Variants in EPHA4 observed in about 807,000 individuals in gnomAD.
The protein encoded by EPHA4 is ephrin type-A receptor 4.
Under a neutral mutation model 108.3 loss-of-function variants are expected in EPHA4, and 19 were observed. That is an observed-to-expected ratio of 0.18 (90% CI 0.12 to 0.26). The LOEUF (loss-of-function observed/expected upper bound fraction) is 0.26, where lower values mean the gene tolerates loss of function less well. Among genes scored for constraint, EPHA4 ranks in the 10% least tolerant of loss-of-function variants. The probability of loss-of-function intolerance (pLI) is 1.00; values close to 1 mark genes in which losing one functional copy is unlikely to be tolerated. For missense variants in EPHA4, 917 were observed against 1,254.0 expected (o/e 0.73, Z 4.06); for synonymous variants, 449 against 455.5 (o/e 0.99, Z 0.18).
intron 9 of EPHA4, among the ~76,000 whole-genome samples, chr2:221,444,416 G>T (rs1045035462): frequency 2.6e-5 from 4 of 152,050 alleles, no homozygotes; most frequent in Admixed American, 1.3e-4. Flanking sequence ...GAGCTGTTGG[G>T]GCACTGGGGC....
chr2:221,568,833 C>A (rs547713884), intron 1 of EPHA4, 48 bp from the exon 2 acceptor site: 75 of 1,531,224 alleles, frequency 4.9e-5, no homozygotes, highest in Admixed American at 3.7e-4. Context: ...TGCAAAAAGC[C>A]AATAACACAA....
chr2:221,506,782 G>A (rs1478451350), intron 3 of EPHA4, among the ~76,000 whole-genome samples: 9 of 152,116 alleles, frequency 5.9e-5, no homozygotes, highest in African/African-American at 2.2e-4. Context: ...AAGAGCCAGA[G>A]GCCAAGAGGA....
intron 8 of EPHA4, among the ~76,000 whole-genome samples, chr2:221,455,277 T>C (rs542410403): frequency 6.6e-6 from 1 of 152,164 alleles, no homozygotes; most frequent in Non-Finnish European, 1.5e-5. Context: ...CCTGGCAGCT[T>C]AAAGCATCTA....
chr2:221,432,110 C>A (rs894713108), intron 14 of EPHA4, among the ~76,000 whole-genome samples: 9 of 145,132 alleles, frequency 6.2e-5, no homozygotes, highest in Admixed American at 4.8e-4. Context: ...CAACAGAATT[C>A]TTTATATATA....
intron 3 of EPHA4, among the ~76,000 whole-genome samples, chr2:221,507,242 C>T (rs781057168): frequency 6.6e-6 from 1 of 152,152 alleles, no homozygotes; most frequent in Non-Finnish European, 1.5e-5. Context: ...AATGACAAAG[C>T]ATAATAAAGT....
chr2:221,533,249 CT>C (rs916405526), intron 3 of EPHA4, among the ~76,000 whole-genome samples: 2 of 152,134 alleles, frequency 1.3e-5, no homozygotes, highest in African/African-American at 4.8e-5. Flanking sequence ...GCTCCAAAAA[CT>C]TTTTTGTTGT....
At chr2:221,503,242 T>C (rs1692531403) in intron 3 of EPHA4, among the ~76,000 whole-genome samples, 2 of 152,190 alleles carry the variant, frequency 1.3e-5, no homozygotes, top group Non-Finnish European at 2.9e-5. Context: ...GAAAACTGCA[T>C]ATTACTGACT....
rs374754972 is a variant in EPHA4 at position 221,426,487 on chromosome 2, C to T, written c.2823G>A (p.Glu941=). The change falls in exon 16 of 18, where the codon GAG becomes GAA. Residue 941 remains glutamate, a synonymous_variant. Coordinates refer to ENST00000281821, the MANE Select transcript of EPHA4 (RefSeq NM_004438.5). Reference sequence around the variant, plus strand: ...ACTCCTGGTTCACGTGCACCACAGCCTCTAGTGTGGTATAACCAGCAGCTG... The same window carrying T: ...ACTCCTGGTTCACGTGCACCACAGCTTCTAGTGTGGTATAACCAGCAGCTG... ...NFTAAGYTTL[E]AVVHVNQEDL... 10 of 1,612,448 alleles carry T rather than the reference C, an allele frequency of 6.2e-6. No individual in the cohort carries two copies. Among genetic ancestry groups the T allele is most frequent in the Middle Eastern group, 1.7e-4 (1 of 6,052 alleles).
intron 3 of EPHA4, among the ~76,000 whole-genome samples, chr2:221,502,918 A>G (rs896391015): frequency 1.3e-5 from 2 of 152,174 alleles, no homozygotes; most frequent in African/African-American, 4.8e-5. Flanking sequence ...AATGACTGAG[A>G]TTTATGTGTC....
intron 3 of EPHA4, among the ~76,000 whole-genome samples, chr2:221,531,184 A>C (rs1172651522): frequency 6.6e-6 from 1 of 152,222 alleles, no homozygotes; most frequent in Admixed American, 6.5e-5. Flanking sequence ...GAATTAGGTT[A>C]AACTTTCTCT....
intron 3 of EPHA4, among the ~76,000 whole-genome samples, chr2:221,530,891 C>T (rs147653371): frequency 2.2e-4 from 33 of 152,206 alleles, no homozygotes; most frequent in Middle Eastern, 3.4e-3. Context: ...TGAAGCACCA[C>T]CACCTCCCCC....
chr2:221,452,227 C>G (rs952766157), intron 8 of EPHA4, among the ~76,000 whole-genome samples: 4 of 152,256 alleles, frequency 2.6e-5, no homozygotes, highest in African/African-American at 4.8e-5. Flanking sequence ...TCCATTCCAG[C>G]ATAAACATTT....
At chr2:221,426,703 CA>C (rs1689923965) in intron 15 of EPHA4, 84 bp from the exon 16 acceptor site, 2 of 1,236,678 alleles carry the variant, frequency 1.6e-6, no homozygotes, top group Non-Finnish European at 2.3e-6. Context: ...CTCAAATAGG[CA>C]AGGAGAACTG....
chr2:221,526,559 A>AT (rs928876229), intron 3 of EPHA4, among the ~76,000 whole-genome samples: 2 of 132,558 alleles, frequency 1.5e-5, no homozygotes, highest in African/African-American at 5.9e-5. Context: ...AAAAAAAAAA[A>AT]TTCATGGCTG....
intron 12 of EPHA4, among the ~76,000 whole-genome samples, 190 bp downstream of exon 12, chr2:221,436,871 C>A (rs1304989007): frequency 6.6e-6 from 1 of 152,120 alleles, no homozygotes; most frequent in African/African-American, 2.4e-5. Flanking sequence ...AGGAATAAAT[C>A]AAAAACTACC....
intron 4 of EPHA4, among the ~76,000 whole-genome samples, chr2:221,483,426 TGGTTA>T (rs1378924854): frequency 2.0e-5 from 3 of 151,986 alleles, no homozygotes; most frequent in Non-Finnish European, 4.4e-5. Flanking sequence ...ACATACTGGT[TGGTTA>T]AAAAATAATA....
At chr2:221,437,437 A>C in intron 11 of EPHA4, 1 of 231,908 alleles carries the variant, frequency 4.3e-6, no homozygotes, top group Non-Finnish European at 8.3e-6. Flanking sequence ...AAAATGATAA[A>C]TGGGGAGGCC....
intron 3 of EPHA4, among the ~76,000 whole-genome samples, chr2:221,538,035 AC>A (rs1226117326): frequency 6.7e-6 from 1 of 150,032 alleles, no homozygotes; most frequent in Admixed American, 6.7e-5. Flanking sequence ...AATTATACAG[AC>A]TCTTTTGTGT....
chr2:221,439,469 C>A (rs1412470737), intron 11 of EPHA4, among the ~76,000 whole-genome samples: 1 of 151,718 alleles, frequency 6.6e-6, no homozygotes, highest in Non-Finnish European at 1.5e-5. Flanking sequence ...GCACTCAAGC[C>A]TGGGTGAATT....
Sources: allele counts gnomAD v4.1 joint callset (sites outside exome capture counted in the v4.1 genomes callset), GRCh38; gene constraint gnomAD v4.1.1; transcripts MANE v1.5; gene names NCBI Gene and HGNC (gene_info 2026-07-23, HGNC 2026-07-21).